Variants in RBPJ observed in about 807,000 individuals in gnomAD.
The protein encoded by RBPJ is recombining binding protein suppressor of hairless.
RBPJ carries 9 observed loss-of-function variants against 67.8 expected under a neutral mutation model. The ratio of observed to expected loss-of-function variants is 0.13; its 90% CI spans 0.08 to 0.23. The LOEUF (loss-of-function observed/expected upper bound fraction) is 0.23. Among genes scored for constraint, RBPJ ranks in the 10% least tolerant of loss-of-function variants. The pLI, the probability that RBPJ is intolerant of heterozygous loss-of-function variation, is 1.00. For missense variants in RBPJ, 305 were observed against 595.6 expected (o/e 0.51, Z 5.08); for synonymous variants, 198 against 203.3 (o/e 0.97, Z 0.22).
intron 2 of RBPJ, among the ~76,000 whole-genome samples, chr4:26,386,821 T>C (rs866136671): frequency 2.0e-5 from 3 of 152,194 alleles, no homozygotes; most frequent in Middle Eastern, 3.2e-3. Context: ...GTATAAGTTG[T>C]ACAATATACA....
intron 1 of RBPJ, among the ~76,000 whole-genome samples, chr4:26,195,912 C>A (rs1717744455): frequency 6.6e-6 from 1 of 152,078 alleles, no homozygotes; most frequent in Non-Finnish European, 1.5e-5. Flanking sequence ...TGTATTTTGA[C>A]CCACATGACT....
intron 5 of RBPJ, among the ~76,000 whole-genome samples, chr4:26,422,042 A>G (rs1458242655): frequency 6.6e-6 from 1 of 152,116 alleles, no homozygotes; most frequent in Admixed American, 6.6e-5. Context: ...AAGAAACTGG[A>G]TCATTTTTCC....
At chr4:26,109,454 CTCTCTCTATATATA>C in the RBPJ span, among the ~76,000 whole-genome samples, 7 of 21,090 alleles carry the variant, frequency 3.3e-4, no homozygotes, top group East Asian at 6.3e-4. Context: ...CTCTCTCTCT[CTCTCTCTATATATA>C]TATATATATA....
At chr4:26,268,025 T>G (rs184554074) in intron 1 of RBPJ, among the ~76,000 whole-genome samples, 16 of 152,358 alleles carry the variant, frequency 1.1e-4, no homozygotes, top group African/African-American at 3.8e-4. Flanking sequence ...AATGATTTTT[T>G]TTAAGGTATA....
At chr4:26,254,843 A>AT (rs71643604) in intron 1 of RBPJ, among the ~76,000 whole-genome samples, 1,338 of 16,542 alleles carry the variant, frequency 0.081, 593 homozygotes, top group East Asian at 0.13. Context: ...ATGCCCAGCT[A>AT]TTTTTTTTTT....
intron 1 of RBPJ, among the ~76,000 whole-genome samples, chr4:26,296,827 T>A (rs957520892): frequency 6.6e-6 from 1 of 152,130 alleles, no homozygotes; most frequent in African/African-American, 2.4e-5. Context: ...GCTTTCAAGG[T>A]CCTGGTATTA....
At chr4:26,252,988 A>G (rs80278629) in intron 1 of RBPJ, among the ~76,000 whole-genome samples, 9,419 of 152,194 alleles carry the variant, frequency 0.062, 859 homozygotes, top group African/African-American at 0.2. Flanking sequence ...CCAAACTTAC[A>G]TGTTTGCTAT....
At chr4:26,251,473 TA>T (rs1175530964) in intron 1 of RBPJ, among the ~76,000 whole-genome samples, 1 of 151,866 alleles carries the variant, frequency 6.6e-6, no homozygotes, top group African/African-American at 2.4e-5. Context: ...CTGTGTCTAC[TA>T]AAATTACAAA....
chr4:26,137,251 G>A, the RBPJ span, among the ~76,000 whole-genome samples: 6 of 152,278 alleles, frequency 3.9e-5, no homozygotes, highest in Non-Finnish European at 7.4e-5. Flanking sequence ...CCAGCTTTAT[G>A]TTCTGCAGCT....
intron 1 of RBPJ, among the ~76,000 whole-genome samples, chr4:26,242,457 A>G (rs1249137935): frequency 4.0e-5 from 6 of 151,334 alleles, no homozygotes; most frequent in Admixed American, 2.0e-4. Flanking sequence ...AAAAAAAAAA[A>G]AAAAGAAAAG....
chr4:26,319,734 C>G, upstream of RBPJ: 1 of 817,352 alleles, frequency 1.2e-6, no homozygotes, highest in South Asian at 1.4e-5. Flanking sequence ...CAGTGCCGCT[C>G]GCGCGGGCCG....
At chr4:26,143,559 G>A in the RBPJ span, among the ~76,000 whole-genome samples, 1 of 152,206 alleles carries the variant, frequency 6.6e-6, no homozygotes, top group African/African-American at 2.4e-5. Flanking sequence ...AATCATGAGT[G>A]ACTAAAAGAT....
At chr4:26,285,261 C>T (rs1001351787) in intron 1 of RBPJ, among the ~76,000 whole-genome samples, 3 of 147,806 alleles carry the variant, frequency 2.0e-5, no homozygotes, top group Admixed American at 6.8e-5. Context: ...TCCACCCCTC[C>T]GCCCCCACCC....
At chr4:26,246,557 G>A (rs1048692948) in intron 1 of RBPJ, among the ~76,000 whole-genome samples, 2 of 152,156 alleles carry the variant, frequency 1.3e-5, no homozygotes, top group Non-Finnish European at 2.9e-5. Context: ...AAATGCCACT[G>A]ACATTAACCA....
At chr4:26,420,484 T>C in intron 4 of RBPJ, 67 bp from the exon 5 acceptor site, 2 of 1,089,638 alleles carry the variant, frequency 1.8e-6, no homozygotes, top group East Asian at 2.8e-5. Context: ...ATGGCCATTC[T>C]GAGTTTTAGG....
At chr4:26,423,902 A>G (rs907451734) in intron 5 of RBPJ, among the ~76,000 whole-genome samples, 21 of 152,334 alleles carry the variant, frequency 1.4e-4, no homozygotes, top group African/African-American at 5.1e-4. Context: ...TTAAAAATAT[A>G]TACATTTGCC....
chr4:26,160,372 A>G (rs562412530), upstream of RBPJ, among the ~76,000 whole-genome samples: 1 of 152,344 alleles, frequency 6.6e-6, no homozygotes, highest in East Asian at 1.9e-4. Flanking sequence ...TGAAACTCCA[A>G]GTGTTTTTTA....
At chr4:26,152,772 AG>A in the RBPJ span, among the ~76,000 whole-genome samples, 1 of 152,240 alleles carries the variant, frequency 6.6e-6, no homozygotes, top group African/African-American at 2.4e-5. Flanking sequence ...GAGCTTGAGA[AG>A]TTGAAAAGAG....
intron 2 of RBPJ, among the ~76,000 whole-genome samples, chr4:26,391,734 T>C (rs1422176979): frequency 6.6e-6 from 1 of 152,174 alleles, no homozygotes; most frequent in Non-Finnish European, 1.5e-5. Flanking sequence ...GTGGAAATGG[T>C]CTGAACAGAT....
Sources: allele counts gnomAD v4.1 joint callset (sites outside exome capture counted in the v4.1 genomes callset), GRCh38; gene constraint gnomAD v4.1.1; transcripts MANE v1.5; gene names NCBI Gene and HGNC (gene_info 2026-07-23, HGNC 2026-07-21).